The following ALOX5AP variants were observed in gnomAD, a reference collection of about 807,000 sequenced individuals.
ALOX5AP encodes arachidonate 5-lipoxygenase activating protein, also known as arachidonate 5-lipoxygenase-activating protein.
In ALOX5AP, 9 loss-of-function variants were observed where a neutral mutation model predicts 18.5. The ratio of observed to expected loss-of-function variants is 0.49; its 90% CI spans 0.29 to 0.85. The LOEUF is 0.85. Ranked by LOEUF, ALOX5AP falls within the 40% of genes least tolerant of loss-of-function variation. The pLI is 0.08. For synonymous variants in ALOX5AP, 81 were observed against 78.6 expected (o/e 1.03, Z -0.16); for missense variants, 172 against 202.5 (o/e 0.85, Z 0.91).
upstream of ALOX5AP, among the ~76,000 whole-genome samples, chr13:30,732,470 G>A (rs547135807): frequency 6.6e-6 from 1 of 152,300 alleles, no homozygotes; most frequent in South Asian, 2.1e-4. Context: ...ACAGTCAAGT[G>A]CAAGAGTGAA....
intron 1 of ALOX5AP, among the ~76,000 whole-genome samples, chr13:30,715,879 T>A (rs1312080275): frequency 1.4e-5 from 2 of 142,836 alleles, no homozygotes; most frequent in South Asian, 2.2e-4. Context: ...GTGATGGAAA[T>A]ATGTATATAT....
At chr13:30,725,179 G>T (rs1429589327) in intron 1 of ALOX5AP, among the ~76,000 whole-genome samples, 1 of 152,212 alleles carries the variant, frequency 6.6e-6, no homozygotes, top group Non-Finnish European at 1.5e-5. Flanking sequence ...CACAGAGAGT[G>T]GTTAATCGTT....
chr13:30,761,734 C>T (rs1194901838), intron 4 of ALOX5AP, among the ~76,000 whole-genome samples: 1 of 152,176 alleles, frequency 6.6e-6, no homozygotes, highest in Admixed American at 6.5e-5. Flanking sequence ...AGAGTGCCAC[C>T]TTCTACCTGT....
At chr13:30,753,259 G>A (rs758202527) in intron 3 of ALOX5AP, among the ~76,000 whole-genome samples, 8 of 152,234 alleles carry the variant, frequency 5.3e-5, no homozygotes, top group Non-Finnish European at 1.2e-4. Flanking sequence ...CACTCCTTCT[G>A]TGCTGAGAAG....
intron 1 of ALOX5AP, among the ~76,000 whole-genome samples, chr13:30,716,410 A>G (rs557158218): frequency 6.6e-6 from 1 of 152,350 alleles, no homozygotes; most frequent in Non-Finnish European, 1.5e-5. Flanking sequence ...TGCTCCAAGG[A>G]GCTGTTGTAT....
chr13:30,754,821 T>G (rs1951879647), intron 3 of ALOX5AP, among the ~76,000 whole-genome samples: 1 of 152,270 alleles, frequency 6.6e-6, no homozygotes, highest in African/African-American at 2.4e-5. Context: ...TCTTAGGCTC[T>G]TGTGGCCTAA....
At chr13:30,761,036 C>T (rs564840868) in intron 4 of ALOX5AP, among the ~76,000 whole-genome samples, 1 of 152,342 alleles carries the variant, frequency 6.6e-6, no homozygotes, top group South Asian at 2.1e-4. Context: ...CGCAGCTTTG[C>T]TGAGCCTGGG....
At chr13:30,728,288 C>T (rs187197354) in intron 1 of ALOX5AP, among the ~76,000 whole-genome samples, 4 of 152,264 alleles carry the variant, frequency 2.6e-5, no homozygotes, top group Non-Finnish European at 5.9e-5. Flanking sequence ...TGATTTTGGA[C>T]TTTTATTCCC....
In ALOX5AP at chr13:30,748,054, G is replaced by C. The variant is rs560693899; in HGVS notation, c.170+3895G>C. On this transcript the variant is annotated intron_variant, in intron 2 of 4. Transcript: ENST00000380490. ...TGTGCCTCAGCCTCCTGAGTAGCTG[G>C]GATTACAGCATGCACCACCATGTCC... 2.6e-5 allele frequency among the ~76,000 whole-genome samples: 4 copies of C among 152,126 alleles called. No homozygotes were observed. In the South Asian group the frequency reaches 8.3e-4, roughly 32 times the overall value.
At chr13:30,725,642 G>T (rs1446903082) in intron 1 of ALOX5AP, among the ~76,000 whole-genome samples, 2 of 152,236 alleles carry the variant, frequency 1.3e-5, no homozygotes, top group South Asian at 2.1e-4. Context: ...GCAGTGCTTT[G>T]TCTTCCCTGG....
At chr13:30,743,673 A>T (rs1483644796) in intron 1 of ALOX5AP, among the ~76,000 whole-genome samples, 2 of 151,936 alleles carry the variant, frequency 1.3e-5, no homozygotes, top group African/African-American at 4.8e-5. Flanking sequence ...CTTAGATGTC[A>T]TTCCCTCAAG....
intron 2 of ALOX5AP, among the ~76,000 whole-genome samples, chr13:30,747,571 T>C (rs1951819281): frequency 6.6e-6 from 1 of 152,218 alleles, no homozygotes; most frequent in South Asian, 2.1e-4. Context: ...GAAAAATCCT[T>C]GTTAGCTGAC....
At chr13:30,725,477 T>C (rs542450352) in intron 1 of ALOX5AP, among the ~76,000 whole-genome samples, 264 of 152,342 alleles carry the variant, frequency 1.7e-3, no homozygotes, top group Non-Finnish European at 3.1e-3. Flanking sequence ...CACAGCAACA[T>C]GAATTTCCAC....
chr13:30,763,129 G>A (rs1045820207), intron 4 of ALOX5AP, among the ~76,000 whole-genome samples: 8 of 152,162 alleles, frequency 5.3e-5, no homozygotes, highest in Admixed American at 1.3e-4. Flanking sequence ...CTAACATGAC[G>A]AAACCTCATC....
Position 30,764,268 on chromosome 13 carries a change from G to T in ALOX5AP, c.*162G>T. 1.3e-6 allele frequency: 1 copy of T among 749,030 alleles called. No individual in the cohort carries two copies. The highest frequency in any genetic ancestry group is 2.2e-5 in the South Asian group (1 of 46,354). 46.4% of individuals were successfully genotyped at this position (749,030 alleles called of 1,614,324 possible). ...AACCTTGCTTTTCCGGGAACAAAAT[G>T]ATGTCATGTCAGCTCCGCCCCTTGA... On this transcript the variant is annotated 3_prime_UTR_variant, in exon 5 of 5. Coordinates refer to ENST00000380490, the MANE Select transcript of ALOX5AP (RefSeq NM_001629.4).
At chr13:30,713,960 G>A in intron 1 of ALOX5AP, 1 of 1,075,960 alleles carries the variant, frequency 9.3e-7, no homozygotes, top group Non-Finnish European at 1.3e-6. Context: ...GCTCCCAGAA[G>A]CAGTATTGGG....
chr13:30,728,064 A>T (rs1445720586), intron 1 of ALOX5AP, among the ~76,000 whole-genome samples: 1 of 152,194 alleles, frequency 6.6e-6, no homozygotes, highest in Non-Finnish European at 1.5e-5. Flanking sequence ...ATTAATTAAG[A>T]TGAGGGCATA....
chr13:30,732,899 TA>T (rs1951692635), upstream of ALOX5AP, among the ~76,000 whole-genome samples: 1 of 151,932 alleles, frequency 6.6e-6, no homozygotes, highest in Admixed American at 6.6e-5. Flanking sequence ...CTCACGCCTG[TA>T]ATCTCAGCAC....
chr13:30,716,727 A>C (rs1486141241), intron 1 of ALOX5AP, among the ~76,000 whole-genome samples: 1 of 152,218 alleles, frequency 6.6e-6, no homozygotes, highest in Non-Finnish European at 1.5e-5. Context: ...ACCAACTACA[A>C]GTCAAGGGGT....
Sources: allele counts gnomAD v4.1 joint callset (sites outside exome capture counted in the v4.1 genomes callset), GRCh38; gene constraint gnomAD v4.1.1; transcripts MANE v1.5; gene names NCBI Gene and HGNC (gene_info 2026-07-23, HGNC 2026-07-21).